Variants in ZCCHC10 observed in about 807,000 individuals in gnomAD.
The protein encoded by ZCCHC10 is zinc finger CCHC-type containing 10, also known as zinc finger CCHC domain-containing protein 10.
A neutral mutation model predicts 19.5 loss-of-function variants in ZCCHC10; 16 were observed. The observed-to-expected ratio is 0.82, with a 90% confidence interval of 0.56 to 1.25. The LOEUF (loss-of-function observed/expected upper bound fraction) is 1.25, where lower values mean the gene tolerates loss of function less well. Ranked by LOEUF, ZCCHC10 falls within the 50% of genes most tolerant of loss-of-function variation. The pLI is 0.00. For synonymous variants in ZCCHC10, 67 were observed against 72.5 expected (o/e 0.92, Z 0.38); for missense variants, 197 against 201.0 (o/e 0.98, Z 0.12).
intron 1 of ZCCHC10, among the ~76,000 whole-genome samples, 192 bp from the exon 2 acceptor site, chr5:133,023,098 T>A (rs184823940): frequency 6.6e-6 from 1 of 152,182 alleles, no homozygotes; most frequent in African/African-American, 2.4e-5. Flanking sequence ...ATAAATATTA[T>A]TGTTTTTCAG....
chr5:133,025,340 T>C (rs1764603419), intron 1 of ZCCHC10, among the ~76,000 whole-genome samples: 1 of 150,718 alleles, frequency 6.6e-6, no homozygotes, highest in South Asian at 2.1e-4. Flanking sequence ...CCATCTCTAC[T>C]AAAAATACAA....
At chr5:133,012,866 C>G (rs927364990) in intron 2 of ZCCHC10, among the ~76,000 whole-genome samples, 1 of 151,902 alleles carries the variant, frequency 6.6e-6, no homozygotes, top group Non-Finnish European at 1.5e-5. Flanking sequence ...CTGGCTAACA[C>G]GGTGAAACCC....
At chr5:133,021,918 C>A (rs1404881832) in intron 2 of ZCCHC10, among the ~76,000 whole-genome samples, 1 of 151,826 alleles carries the variant, frequency 6.6e-6, no homozygotes, top group Non-Finnish European at 1.5e-5. Context: ...CTCAGCCTCC[C>A]AAGTAGCTGG....
chr5:132,998,927 T>TC, intron 4 of ZCCHC10, 77 bp from the exon 5 acceptor site: 1 of 1,539,162 alleles, frequency 6.5e-7, no homozygotes, highest in African/African-American at 1.5e-5. Context: ...ATTTTTTTTT[T>TC]CTTTTCGAGA....
At chr5:133,017,220 G>A (rs1763983976) in intron 2 of ZCCHC10, among the ~76,000 whole-genome samples, 2 of 152,084 alleles carry the variant, frequency 1.3e-5, no homozygotes, top group Non-Finnish European at 2.9e-5. Context: ...CTCTGTAGGT[G>A]CTCTCCTGAC....
In ZCCHC10 at chr5:133,012,050, T is replaced by C. The variant is rs560789512; in HGVS notation, c.108-5130A>G. On this transcript the variant is annotated intron_variant, in intron 2 of 4. Coordinates refer to ENST00000509437, the MANE Select transcript of ZCCHC10 (RefSeq NM_001300816.3). ...TACTTGGGAGGCTGAGGCAGGAGAATTGCTCAAACCTGGGAGGCAGAGGTT... is the reference window on the plus strand; with the variant it reads ...TACTTGGGAGGCTGAGGCAGGAGAACTGCTCAAACCTGGGAGGCAGAGGTT... 1.1e-3 allele frequency among the ~76,000 whole-genome samples: 165 copies of C among 144,142 alleles called. 1 individual carries two copies. Among genetic ancestry groups the C allele is most frequent in the African/African-American group, 4.0e-3 (157 of 38,778 alleles). The allele number at this position is 144,142 out of a possible 152,430, so 94.6% of individuals were successfully genotyped here. A position where few individuals can be genotyped will look rare whatever the true frequency, so the allele number is the denominator to read the frequency against.
intron 2 of ZCCHC10, among the ~76,000 whole-genome samples, chr5:133,008,684 C>A (rs1253466556): frequency 1.3e-5 from 2 of 151,800 alleles, no homozygotes; most frequent in African/African-American, 4.8e-5. Flanking sequence ...GGCAGGACAA[C>A]ACAGCAAGAC....
chr5:133,007,588 GTC>G (rs1175501959), intron 2 of ZCCHC10, among the ~76,000 whole-genome samples: 1 of 151,142 alleles, frequency 6.6e-6, no homozygotes, highest in Admixed American at 6.6e-5. Flanking sequence ...TCCCTGCACA[GTC>G]TCTCTCTCTT....
At chr5:133,019,726 G>A (rs1375229595) in intron 2 of ZCCHC10, among the ~76,000 whole-genome samples, 14 of 152,004 alleles carry the variant, frequency 9.2e-5, no homozygotes, top group African/African-American at 2.4e-4. Context: ...AGGCGAAGGC[G>A]GGTGGATCAC....
Position 133,026,495 on chromosome 5 carries a change from AC to A in ZCCHC10, c.41+1del. 1 of 1,613,430 alleles carries A rather than the reference AC, an allele frequency of 6.2e-7. No homozygotes were observed. The highest frequency in any genetic ancestry group is 8.5e-7 in the Non-Finnish European group (1 of 1,179,860). ...GTGGACCCGAACCGGATCCTTACTT[AC>A]GCTTGTCTCCGGGCTATTAGCCGAT... is the stretch of plus-strand genomic sequence containing the variant. On this transcript the variant is annotated splice_donor_variant, in intron 1 of 4. Coordinates refer to ENST00000509437, the MANE Select transcript of ZCCHC10 (RefSeq NM_001300816.3). LOFTEE classifies it high-confidence loss of function.
At chr5:133,005,637 C>T (rs1013269809) in intron 3 of ZCCHC10, among the ~76,000 whole-genome samples, 1 of 148,976 alleles carries the variant, frequency 6.7e-6, no homozygotes, top group Non-Finnish European at 1.5e-5. Flanking sequence ...TATGACCATT[C>T]ACTTTCTCAG....
intron 2 of ZCCHC10, among the ~76,000 whole-genome samples, chr5:133,009,520 G>A (rs1225860156): frequency 1.4e-5 from 2 of 147,670 alleles, no homozygotes; most frequent in African/African-American, 2.6e-5. Flanking sequence ...AGCTGAGGCA[G>A]GAGAATTGTT....
chr5:133,015,452 T>G (rs1763860184), intron 2 of ZCCHC10, among the ~76,000 whole-genome samples: 2 of 152,190 alleles, frequency 1.3e-5, no homozygotes. Flanking sequence ...GGAATTGTAA[T>G]TCCCCTCTCC....
chr5:133,006,940 A>C lies in ZCCHC10; in HGVS notation c.108-20T>G, dbSNP rs1285285484. ...GCTTCACTACAGAACAAAAAACAGA[A>C]TACAAGCCTTAAAATTCTGTCTTGT... is the stretch of plus-strand genomic sequence containing the variant. On this transcript the variant is annotated intron_variant, in intron 2 of 4. Transcript: ENST00000509437. 1.3e-6 allele frequency: 2 copies of C among 1,568,662 alleles called. No homozygotes were observed. The highest frequency in any genetic ancestry group is 4.5e-5 in the East Asian group (2 of 44,364).
At chr5:133,007,508 A>T (rs1300937101) in intron 2 of ZCCHC10, among the ~76,000 whole-genome samples, 1 of 150,844 alleles carries the variant, frequency 6.6e-6, no homozygotes, top group Non-Finnish European at 1.5e-5. Flanking sequence ...GCACCACTGC[A>T]CTCCAGCCTG....
At chr5:133,026,415 A>C (rs1764718927) in intron 1 of ZCCHC10, 82 bp downstream of exon 1, 1 of 1,550,092 alleles carries the variant, frequency 6.5e-7, no homozygotes, top group Non-Finnish European at 8.8e-7. Context: ...CGCCGGTCCC[A>C]ATAGGGGTCC....
chr5:133,026,505 C>T lies in ZCCHC10; in HGVS notation c.33G>A (p.Arg11=), dbSNP rs772161135. MATPMHRLIA[R]RQAFDTELQP... is the part of the protein sequence containing the mutation. ...ACCGGATCCTTACTTACGCTTGTCT[C>T]CGGGCTATTAGCCGATGCATGGGAG... Residue 11 remains arginine, a synonymous_variant, in exon 1 of 5, where the codon CGG becomes CGA. Coordinates refer to ENST00000509437, the MANE Select transcript of ZCCHC10 (RefSeq NM_001300816.3). 2 of 1,613,720 alleles carry T rather than the reference C, an allele frequency of 1.2e-6. No individual in the cohort carries two copies. Among genetic ancestry groups the T allele is most frequent in the Non-Finnish European group, 8.5e-7 (1 of 1,179,962 alleles).
Position 132,998,957 on chromosome 5 carries a change from C to A in ZCCHC10, c.312-107G>T, listed in dbSNP as rs1211178549. 2.8e-6 allele frequency: 4 copies of A among 1,454,498 alleles called. No homozygotes were observed. In the African/African-American group the frequency reaches 5.9e-5, roughly 21 times the overall value. 90.1% of individuals were successfully genotyped at this position (1,454,498 alleles called of 1,614,324 possible). ...TCGAGACAGAGTCTTGCTCTGTTGC[C>A]CAGTGTGGAGTGCAGTGGCACAATC... On this transcript the variant is annotated intron_variant, in intron 4 of 4. Transcript: ENST00000509437.
intron 4 of ZCCHC10, among the ~76,000 whole-genome samples, chr5:132,999,894 T>C (rs1762652398): frequency 1.3e-5 from 2 of 152,102 alleles, no homozygotes; most frequent in African/African-American, 4.8e-5. Flanking sequence ...ATTACAGGCA[T>C]GTGCCACCAC....
Sources: allele counts gnomAD v4.1 joint callset (sites outside exome capture counted in the v4.1 genomes callset), GRCh38; gene constraint gnomAD v4.1.1; transcripts MANE v1.5; gene names NCBI Gene and HGNC (gene_info 2026-07-23, HGNC 2026-07-21).